Variants in SPART observed in about 807,000 individuals in gnomAD.
The protein encoded by SPART is spastic paraplegia 20 (Troyer syndrome).
SPART carries 35 observed loss-of-function variants against 58.7 expected under a neutral mutation model. That is an observed-to-expected ratio of 0.60 (90% CI 0.46 to 0.79). The LOEUF (loss-of-function observed/expected upper bound fraction) is 0.79, where lower values mean the gene tolerates loss of function less well. Among genes scored for constraint, SPART ranks in the 30% least tolerant of loss-of-function variants. The pLI is 0.00. For missense variants in SPART, 730 were observed against 786.1 expected (o/e 0.93, Z 0.85); for synonymous variants, 284 against 280.7 (o/e 1.01, Z -0.12).
chr13:36,369,670 G>C (rs1886197969), intron 1 of SPART: 1 of 152,146 alleles, frequency 6.6e-6, no homozygotes, highest in Non-Finnish European at 1.5e-5. Flanking sequence ...TCTCCTACAG[G>C]TAAAGTAACA....
In SPART at chr13:36,304,308, T is replaced by G; in HGVS notation, c.*57A>C. On this transcript the variant is annotated 3_prime_UTR_variant, in exon 9 of 9. Transcript: ENST00000438666. The stretch of plus-strand genomic sequence containing the variant: ...TGTGAGGAATTCCACATTTGCCTAT[T>G]TAACAAAATTTCATCCATTTCATAA... 1 of 1,605,926 alleles carries G rather than the reference T, an allele frequency of 6.2e-7. No individual in the cohort carries two copies. The highest frequency in any genetic ancestry group is 8.5e-7 in the Non-Finnish European group (1 of 1,173,470).
intron 5 of SPART, among the ~76,000 whole-genome samples, chr13:36,318,738 T>C (rs1882012438): frequency 6.6e-6 from 1 of 152,174 alleles, no homozygotes; most frequent in South Asian, 2.1e-4. Flanking sequence ...ATCTGGCCAC[T>C]GGGCCAAGGA....
At chr13:36,311,937 A>T (rs1385678892) in intron 8 of SPART, among the ~76,000 whole-genome samples, 2 of 151,710 alleles carry the variant, frequency 1.3e-5, no homozygotes, top group African/African-American at 4.9e-5. Flanking sequence ...AAAAAAAAAA[A>T]TTAGCCGGGC....
rs1312638669 is a variant in SPART, at chr13:36,304,421, C to A, written c.1945G>T (p.Gly649Trp). 3 of 1,614,088 alleles carry A rather than the reference C, an allele frequency of 1.9e-6. No homozygotes were observed. The highest frequency in any genetic ancestry group is 8.5e-7 in the Non-Finnish European group (1 of 1,179,996). Residue 649 changes from glycine (G) to tryptophan (W), a missense_variant, in exon 9 of 9, where the codon GGG becomes TGG. Physicochemically the swap from Gly to Trp is radical, Grantham distance 184. Transcript: ENST00000438666. The part of the protein sequence containing the change: ...QEGAANVNVR[G>W]EKDEQTKEVK... ...TCCTTCGTCTGCTCATCCTTCTCCC[C>A]TCTCACGTTGACATTTGCTGCTCCT...
intron 1 of SPART, among the ~76,000 whole-genome samples, chr13:36,337,293 C>A (rs1451806672): frequency 6.6e-6 from 1 of 152,204 alleles, no homozygotes; most frequent in Non-Finnish European, 1.5e-5. Flanking sequence ...TTGTCCAGGG[C>A]ATCCATGCTG....
intron 5 of SPART, among the ~76,000 whole-genome samples, chr13:36,318,143 G>A (rs896460842): frequency 1.9e-4 from 29 of 152,126 alleles, no homozygotes; most frequent in Middle Eastern, 6.8e-3. Context: ...GGCCGAGCTA[G>A]GTCCCAATTC....
intron 8 of SPART, among the ~76,000 whole-genome samples, chr13:36,310,808 C>T (rs1160352824): frequency 1.3e-5 from 2 of 152,068 alleles, no homozygotes; most frequent in South Asian, 2.1e-4. Flanking sequence ...CATAGACTTT[C>T]GTGAAGGCAG....
At chr13:36,323,098 A>G (rs1458486703) in intron 5 of SPART, among the ~76,000 whole-genome samples, 3 of 151,766 alleles carry the variant, frequency 2.0e-5, no homozygotes, top group African/African-American at 7.3e-5. Context: ...TCTCAACCCT[A>G]GGATGATATG....
Position 36,331,404 on chromosome 13 carries a change from G to A in SPART, c.1003C>T (p.Leu335Phe), listed in dbSNP as rs751297316. ...AAGATGATCACACAAGTTACCTGGA[G>A]CCGAAGGTCAGACATTTGCCTTAAC... ...DLLRQMSDLR[L>F]QANWNRAEEE... The change falls in exon 3 of 9, where the codon CTC becomes TTC. Residue 335 changes from leucine to phenylalanine, a missense_variant. By Grantham distance (22) the Leu-to-Phe change is conservative. Coordinates refer to ENST00000438666, the MANE Select transcript of SPART (RefSeq NM_015087.5). The A allele has an allele frequency of 3.1e-6, 5 of 1,613,846 alleles. No homozygotes were observed. The highest frequency in any genetic ancestry group is 1.7e-5 in the Admixed American group (1 of 59,994).
intron 1 of SPART, among the ~76,000 whole-genome samples, chr13:36,338,031 A>G (rs1264050272): frequency 2.0e-5 from 3 of 152,154 alleles, no homozygotes; most frequent in African/African-American, 7.2e-5. Flanking sequence ...GCATGTGACA[A>G]GTGTTTAGTT....
chr13:36,344,711 A>G (rs984514226), intron 1 of SPART, among the ~76,000 whole-genome samples: 1 of 152,216 alleles, frequency 6.6e-6, no homozygotes. Flanking sequence ...AGCACAATTA[A>G]GTGTCAATCA....
Position 36,302,165 on chromosome 13 carries a change from T to C in SPART, c.*2200A>G, listed in dbSNP as rs1252807095. 6.6e-6 allele frequency: 1 copy of C among 152,176 alleles called. No individual in the cohort carries two copies. The highest frequency in any genetic ancestry group is 2.4e-5 in the African/African-American group (1 of 41,446). 9.4% of individuals were successfully genotyped at this position (152,176 alleles called of 1,614,324 possible). ...CATACATATAGGTAATTGGCAGCTT[T>C]CCATGTCTTTAGGTGTGATGAGTTT... On this transcript the variant is annotated 3_prime_UTR_variant, in exon 9 of 9. Transcript: ENST00000438666.
At chr13:36,338,939 G>C (rs1884288306) in intron 1 of SPART, among the ~76,000 whole-genome samples, 1 of 151,998 alleles carries the variant, frequency 6.6e-6, no homozygotes, top group African/African-American at 2.4e-5. Flanking sequence ...TAGAATCTCA[G>C]ATCAGCTTTC....
intron 6 of SPART, among the ~76,000 whole-genome samples, chr13:36,313,027 T>C (rs1443713613): frequency 6.6e-6 from 1 of 152,116 alleles, no homozygotes; most frequent in South Asian, 2.1e-4. Context: ...AAGATAATTT[T>C]ACTAAATTTA....
Position 36,304,297 on chromosome 13 carries a change from C to T in SPART, c.*68G>A, listed in dbSNP as rs1178666263. On this transcript the variant is annotated 3_prime_UTR_variant, in exon 9 of 9. Coordinates refer to ENST00000438666, the MANE Select transcript of SPART (RefSeq NM_015087.5). ...ACTGGTTAATCTGTGAGGAATTCCACATTTGCCTATTTAACAAAATTTCAT... is the reference window on the plus strand; with the variant it reads ...ACTGGTTAATCTGTGAGGAATTCCATATTTGCCTATTTAACAAAATTTCAT... 6.3e-7 allele frequency: 1 copy of T among 1,578,524 alleles called. No individual in the cohort carries two copies.
chr13:36,331,645 A>AAT, intron 2 of SPART, 49 bp from the exon 3 acceptor site: 1 of 1,301,924 alleles, frequency 7.7e-7, no homozygotes, highest in Non-Finnish European at 1.1e-6. Flanking sequence ...AATAAATGAA[A>AAT]CTAGATTTTC....
intron 1 of SPART, among the ~76,000 whole-genome samples, chr13:36,361,777 A>G (rs1272377954): frequency 6.6e-6 from 1 of 152,178 alleles, no homozygotes; most frequent in Non-Finnish European, 1.5e-5. Context: ...TATTGCTACT[A>G]TTTACATTTT....
intron 1 of SPART, chr13:36,360,658 C>A (rs1233221146): frequency 6.6e-6 from 1 of 152,636 alleles, no homozygotes; most frequent in African/African-American, 2.4e-5. Context: ...TTTTAGAGAT[C>A]TGTGAAAATC....
upstream of SPART, among the ~76,000 whole-genome samples, chr13:36,348,723 A>G (rs1252224054): frequency 6.6e-6 from 1 of 152,184 alleles, no homozygotes; most frequent in Non-Finnish European, 1.5e-5. Flanking sequence ...AAGACATCCC[A>G]TGTTAAAGGG....
Sources: gnomAD v4.1 joint callset for allele counts (sites outside exome capture counted in the v4.1 genomes callset) on GRCh38, gnomAD v4.1.1 for gene constraint, MANE v1.5 for transcripts, NCBI Gene and HGNC (gene_info 2026-07-23, HGNC 2026-07-21) for gene names.